The following HABP4 variants were observed in gnomAD, a reference collection of about 807,000 sequenced individuals.
HABP4 encodes the protein hyaluronan binding protein 4.
A neutral mutation model predicts 44.1 loss-of-function variants in HABP4; 32 were observed. The ratio of observed to expected loss-of-function variants is 0.73; its 90% CI spans 0.55 to 0.97. The LOEUF is 0.97. HABP4 is among the 50% of genes least tolerant of loss of function. The pLI, the probability that HABP4 is intolerant of heterozygous loss-of-function variation, is 0.00. For synonymous variants in HABP4, 216 were observed against 218.0 expected, an observed-to-expected ratio of 0.99 and a Z score of 0.08; for missense variants, 503 against 561.9, an observed-to-expected ratio of 0.90 and a Z score of 1.06.
chr9:96,451,243 G>A (rs1330928670), intron 1 of HABP4, among the ~76,000 whole-genome samples: 2 of 152,260 alleles, frequency 1.3e-5, no homozygotes, highest in African/African-American at 2.4e-5. Context: ...TTGATGGGAT[G>A]TGCAACTTAT....
rs556694717 is a variant in HABP4, at chr9:96,459,267, A to G, written c.512+726A>G. 2.0e-5 allele frequency among the ~76,000 whole-genome samples: 3 copies of G among 152,294 alleles called. No individual in the cohort carries two copies. The East Asian group carries it at 5.8e-4, about 29-fold the overall frequency. The stretch of plus-strand genomic sequence containing the variant: ...GCTCAATGGATTGAAATAAATTCCT[A>G]GCTCCACGGTCAGGTCAGTAGGCTG... On this transcript the variant is annotated intron_variant, in intron 2 of 7. Transcript: ENST00000375249.
chr9:96,456,208 A>G (rs2131114479), intron 1 of HABP4, among the ~76,000 whole-genome samples: 1 of 152,352 alleles, frequency 6.6e-6, no homozygotes, highest in African/African-American at 2.4e-5. Context: ...TTAAAATTAT[A>G]GTAGGTTGAA....
Position 96,488,029 on chromosome 9 carries a change from C to A in HABP4, c.1000-60C>A, listed in dbSNP as rs1159107196. 1.7e-6 allele frequency: 2 copies of A among 1,187,684 alleles called. No individual in the cohort carries two copies. Among genetic ancestry groups the A allele is most frequent in the Non-Finnish European group, 2.5e-6 (2 of 801,600 alleles). The allele number at this position is 1,187,684 out of a possible 1,614,324, so 73.6% of individuals were successfully genotyped here. On this transcript the variant is annotated intron_variant, in intron 6 of 7. Transcript: ENST00000375249. This position sits in a 1 kb window ranked among gnomAD's most constrained non-coding sequence, Gnocchi z 4.6. ...GTGTAGCACACTGCAGCCACTAAGC[C>A]AGATGAGTGTGGGGATGGCTGTGGA...
rs566272718 is a variant in HABP4 at position 96,467,527 on chromosome 9, C to CTT, written c.743+1764_743+1765dup. Among the ~76,000 whole-genome samples the CTT allele has an allele frequency of 6.3e-3, 741 of 118,102 alleles. 11 individuals carry two copies. Among genetic ancestry groups the CTT allele is most frequent in the African/African-American group, 0.02 (629 of 31,820 alleles). The allele number at this position is 118,102 out of a possible 152,430, so 77.5% of individuals were successfully genotyped here. On this transcript the variant is annotated intron_variant, in intron 4 of 7. Coordinates refer to ENST00000375249, the MANE Select transcript of HABP4 (RefSeq NM_014282.4). ...TTCTTTTTCTTTCTTTCTTTTTTTC[C>CTT]TTTTTTTTTTTTTTTTGAGACGGAG...
chr9:96,462,834 ATTGT>A (rs1449454686), intron 2 of HABP4, among the ~76,000 whole-genome samples: 5 of 151,780 alleles, frequency 3.3e-5, no homozygotes, highest in Non-Finnish European at 7.4e-5. Flanking sequence ...ACATGGGAAG[ATTGT>A]TTGAGCCTGG....
upstream of HABP4, chr9:96,450,150 G>T: frequency 1.1e-6 from 1 of 943,050 alleles, no homozygotes; most frequent in Non-Finnish European, 1.3e-6. This position sits in a 1 kb window ranked among gnomAD's most constrained non-coding sequence, Gnocchi z 4.8. Context: ...GGCGGGCGCC[G>T]GTAGGGGCCG....
Position 96,450,665 on chromosome 9 carries a change from G to C in HABP4, c.349+37G>C, listed in dbSNP as rs539806963. The C allele has an allele frequency of 8.1e-7, 1 of 1,238,976 alleles. No homozygotes were observed. Among genetic ancestry groups the C allele is most frequent in the Admixed American group, 4.2e-5 (1 of 23,698 alleles). The allele number at this position is 1,238,976 out of a possible 1,614,324, so 76.7% of individuals were successfully genotyped here. ...CAGCGGGGTTAGCGGACCACGGCTC[G>C]GCCCGCTGTGAGACTGGGGTCCCGG... On this transcript the variant is annotated intron_variant, in intron 1 of 7. Coordinates refer to ENST00000375249, the MANE Select transcript of HABP4 (RefSeq NM_014282.4). This position sits in a 1 kb window ranked among gnomAD's most constrained non-coding sequence, Gnocchi z 4.8.
intron 6 of HABP4, among the ~76,000 whole-genome samples, chr9:96,485,811 C>G: frequency 6.6e-6 from 1 of 152,118 alleles, no homozygotes; most frequent in African/African-American, 2.4e-5. Context: ...GGTTCTTCCT[C>G]TCTGTGGGGT....
chr9:96,471,012 G>C lies in HABP4; in HGVS notation c.745G>C (p.Asp249His). 6.3e-7 allele frequency: 1 copy of C among 1,578,134 alleles called. No individual in the cohort carries two copies. Among genetic ancestry groups the C allele is most frequent in the African/African-American group, 1.3e-5 (1 of 74,314 alleles). ...AGAGAGGGTCTTGCTGTTTTTCAGT[G>C]ATGTGGAGCCAACTGCACCGATGGA... is the stretch of plus-strand genomic sequence containing the variant. ...RTWGSGKDTS[D>H]VEPTAPMEEP... The change falls in exon 5 of 8, where the codon GAT becomes CAT. Residue 249 changes from aspartate (D) to histidine (H), a missense_variant and splice_region_variant. Coordinates refer to ENST00000375249, the MANE Select transcript of HABP4 (RefSeq NM_014282.4).
chr9:96,450,416 A>G lies in HABP4; in HGVS notation c.137A>G (p.Glu46Gly), dbSNP rs1832246581. Residue 46 changes from glutamate to glycine, a missense_variant, in exon 1 of 8, where the codon GAG becomes GGG. By Grantham distance (98) the Glu-to-Gly change is moderately conservative. Transcript: ENST00000375249. The surrounding 1 kb of genome is among the most constrained non-coding windows in gnomAD (Gnocchi z 4.8). The stretch of plus-strand genomic sequence containing the variant: ...CCGTTCGACATCCTGCGCGAGGCCG[A>G]GCGCCGGCGCCAGCAGCAGCTGCAG... ...SDPFDILREA[E>G]RRRQQQLQRK... The G allele has an allele frequency of 2.3e-5, 7 of 298,718 alleles. No homozygotes were observed. Among genetic ancestry groups the G allele is most frequent in the East Asian group, 1.9e-4 (1 of 5,154 alleles). The allele number at this position is 298,718 out of a possible 1,614,324, so 18.5% of individuals were successfully genotyped here. A position where few individuals can be genotyped will look rare whatever the true frequency, so the allele number is the denominator to read the frequency against.
At position 96,458,436 on chromosome 9, in the gene HABP4, C is replaced by G. The variant is rs747269653; in HGVS notation, c.407C>G (p.Pro136Arg). Residue 136 changes from proline (P) to arginine (R), a missense_variant, in exon 2 of 8, where the codon CCG becomes CGG. This residue lies in a region of HABP4 where 290 missense variants were observed against 300.5 expected (regional missense o/e 0.97). Transcript: ENST00000375249. ...EQQGWNDSRG[P>R]EGMLERAERR... ...CAAGGATGGAATGACAGCCGTGGGCCGGAGGGGATGCTCGAAAGAGCTGAG... is the reference window on the plus strand; with the variant it reads ...CAAGGATGGAATGACAGCCGTGGGCGGGAGGGGATGCTCGAAAGAGCTGAG... 1 of 1,613,502 alleles carries G rather than the reference C, an allele frequency of 6.2e-7. No homozygotes were observed. Among genetic ancestry groups the G allele is most frequent in the African/African-American group, 1.3e-5 (1 of 74,842 alleles).
Position 96,450,290 on chromosome 9 carries a change from C to T in HABP4, c.11C>T (p.Ala4Val). The change falls in exon 1 of 8, where the codon GCT (alanine) becomes GTT (valine). Residue 4 changes from alanine (A) to valine (V), a missense_variant. Ala to Val is a moderately conservative substitution (Grantham distance 64, BLOSUM62 0). Transcript: ENST00000375249. The surrounding 1 kb of genome is among the most constrained non-coding windows in gnomAD (Gnocchi z 4.8). Reference sequence around the variant, plus strand: ...AGTGGTCGCGGCGGCATGAAGGGCGCTCTGGGGAGTCCCGTGGCTGCCGCT... The same window carrying T: ...AGTGGTCGCGGCGGCATGAAGGGCGTTCTGGGGAGTCCCGTGGCTGCCGCT... MKG[A>V]LGSPVAAAGA... The T allele has an allele frequency of 6.9e-7, 1 of 1,455,680 alleles. No homozygotes were observed. Among genetic ancestry groups the T allele is most frequent in the Admixed American group, 2.3e-5 (1 of 42,960 alleles). The allele number at this position is 1,455,680 out of a possible 1,614,324, so 90.2% of individuals were successfully genotyped here.
intron 4 of HABP4, among the ~76,000 whole-genome samples, chr9:96,467,475 CTTCTTTCT>C (rs1042797770): frequency 6.7e-6 from 1 of 148,294 alleles, no homozygotes; most frequent in Non-Finnish European, 1.5e-5. Flanking sequence ...ACTTTCTTTC[CTTCTTTCT>C]TTCTTTCTCT....
intron 4 of HABP4, among the ~76,000 whole-genome samples, chr9:96,467,844 A>G (rs1344139273): frequency 1.3e-5 from 2 of 151,862 alleles, no homozygotes; most frequent in African/African-American, 2.4e-5. Context: ...TTCTTTCTTC[A>G]TCATCTGATT....
In HABP4 at chr9:96,490,229, A is replaced by G. The variant is rs556635624; in HGVS notation, c.*191A>G. On this transcript the variant is annotated 3_prime_UTR_variant, in exon 8 of 8. Coordinates refer to ENST00000375249, the MANE Select transcript of HABP4 (RefSeq NM_014282.4). ...GAGGCTCGAGAGCAGGCCATTTCCC[A>G]AGAAGATGAAGAATGGTGACTGTGT... The G allele has an allele frequency of 2.7e-5, 16 of 586,912 alleles. 1 individual carries two copies. In the South Asian group the frequency reaches 3.3e-4, roughly 12 times the overall value. 36.4% of individuals were successfully genotyped at this position (586,912 alleles called of 1,614,324 possible).
Position 96,458,374 on chromosome 9 carries a change from G to T in HABP4, c.350-5G>T. Reference sequence around the variant, plus strand: ...CAGCTCTCTGCTTTGATTTTCTGTTGGTAGGCCAGAAGCGGACTCCTAGAA... The same window carrying T: ...CAGCTCTCTGCTTTGATTTTCTGTTTGTAGGCCAGAAGCGGACTCCTAGAA... On this transcript the variant is annotated splice_polypyrimidine_tract_variant and splice_region_variant and intron_variant, in intron 1 of 7. Coordinates refer to ENST00000375249, the MANE Select transcript of HABP4 (RefSeq NM_014282.4). 6.2e-7 allele frequency: 1 copy of T among 1,613,626 alleles called. No homozygotes were observed. Among genetic ancestry groups the T allele is most frequent in the South Asian group, 1.1e-5 (1 of 91,074 alleles).
At chr9:96,458,763 C>T (rs1479487503) in intron 2 of HABP4, among the ~76,000 whole-genome samples, 1 of 151,994 alleles carries the variant, frequency 6.6e-6, no homozygotes, top group Non-Finnish European at 1.5e-5. Context: ...GCTGGGATTA[C>T]AGGCATGTGC....
At chr9:96,450,161 G>C (rs1451335030), upstream of HABP4, 7 of 1,051,106 alleles carry the variant, frequency 6.7e-6, no homozygotes, top group Non-Finnish European at 8.3e-6. The surrounding 1 kb of genome is among the most constrained non-coding windows in gnomAD (Gnocchi z 4.8). Flanking sequence ...GTAGGGGCCG[G>C]ACAGGGTAGG....
At chr9:96,471,854 G>A (rs1167710594) in intron 5 of HABP4, among the ~76,000 whole-genome samples, 5 of 151,898 alleles carry the variant, frequency 3.3e-5, no homozygotes, top group African/African-American at 1.2e-4. Flanking sequence ...GCAATGGCGC[G>A]ATCTTGGCTC....
Sources: allele counts gnomAD v4.1 joint callset (sites outside exome capture counted in the v4.1 genomes callset), GRCh38; gene constraint gnomAD v4.1.1; regional missense constraint gnomAD v4.1.1; non-coding constraint Gnocchi (gnomAD v3.1); transcripts MANE v1.5; gene names NCBI Gene and HGNC (gene_info 2026-07-23, HGNC 2026-07-21).